Variants in ZMYM4 observed in about 807,000 individuals in gnomAD.
ZMYM4 encodes zinc finger MYM-type protein 4.
In ZMYM4, 31 loss-of-function variants were observed where a neutral mutation model predicts 183.2. That is an observed-to-expected ratio of 0.17 (90% CI 0.13 to 0.23). The LOEUF (loss-of-function observed/expected upper bound fraction) is 0.23. Ranked by LOEUF, ZMYM4 falls within the 10% of genes least tolerant of loss-of-function variation. The probability of loss-of-function intolerance (pLI) is 1.00; values close to 1 mark genes in which losing one functional copy is unlikely to be tolerated. For missense variants in ZMYM4, 1,273 were observed against 1,840.3 expected (o/e 0.69, Z 5.64); for synonymous variants, 592 against 631.2 (o/e 0.94, Z 0.93).
At chr1:35,347,709 A>G (rs1189944967) in intron 2 of ZMYM4, among the ~76,000 whole-genome samples, 6 of 152,202 alleles carry the variant, frequency 3.9e-5, no homozygotes, top group Non-Finnish European at 8.8e-5. Context: ...ATTAGAAGGA[A>G]GAATAGTAGG....
intron 1 of ZMYM4, among the ~76,000 whole-genome samples, chr1:35,269,327 C>G (rs977037649): frequency 2.6e-5 from 4 of 152,058 alleles, no homozygotes; most frequent in Non-Finnish European, 5.9e-5. Context: ...CTCCCCCCGA[C>G]GTTCCCCAGC....
chr1:35,377,076 T>C (rs1452203923), intron 7 of ZMYM4, among the ~76,000 whole-genome samples: 12 of 151,950 alleles, frequency 7.9e-5, no homozygotes. Context: ...CCGGCTAATT[T>C]TTGTATTTAT....
chr1:35,295,539 C>G (rs1015916028), intron 1 of ZMYM4, among the ~76,000 whole-genome samples: 3 of 152,124 alleles, frequency 2.0e-5, no homozygotes, highest in Admixed American at 6.6e-5. Context: ...GTTTCAGCAT[C>G]CCTGGTTTCT....
intron 23 of ZMYM4, among the ~76,000 whole-genome samples, chr1:35,401,758 G>T (rs1347230049): frequency 6.6e-6 from 1 of 152,054 alleles, no homozygotes; most frequent in Non-Finnish European, 1.5e-5. Context: ...TTATGTTTGT[G>T]ATCTATTTTG....
At chr1:35,380,338 A>G (rs578244059) in intron 7 of ZMYM4, among the ~76,000 whole-genome samples, 1 of 151,062 alleles carries the variant, frequency 6.6e-6, no homozygotes, top group Admixed American at 6.6e-5. Flanking sequence ...TTATTTATTT[A>G]TTTTTTTGAG....
chr1:35,332,613 G>C (rs1239875256), intron 2 of ZMYM4, among the ~76,000 whole-genome samples: 3 of 152,114 alleles, frequency 2.0e-5, no homozygotes, highest in Non-Finnish European at 4.4e-5. Context: ...TAGTGTGGCA[G>C]CCTTAAGGTC....
chr1:35,278,628 T>C (rs1206542965), intron 1 of ZMYM4, among the ~76,000 whole-genome samples: 2 of 152,106 alleles, frequency 1.3e-5, no homozygotes, highest in African/African-American at 4.8e-5. Context: ...GGTTTCACTA[T>C]GTTAGGATGG....
chr1:35,407,779 G>A lies in ZMYM4; in HGVS notation c.3797-229G>A, dbSNP rs148523392. ...TGGATAGCCCTCATTTGCTTTCACA[G>A]AATGCCATTTAAAGAAAGCCTCTAT... On this transcript the variant is annotated intron_variant, in intron 25 of 29. Coordinates refer to ENST00000314607, the MANE Select transcript of ZMYM4 (RefSeq NM_005095.3). 2.4e-3 allele frequency among the ~76,000 whole-genome samples: 366 copies of A among 152,242 alleles called. 2 individuals are homozygous for A. The highest frequency in any genetic ancestry group is 7.8e-3 in the African/African-American group (325 of 41,544).
At chr1:35,361,162 GTGTT>G (rs754098892) in intron 3 of ZMYM4, 28 bp from the exon 4 acceptor site, 7 of 1,539,858 alleles carry the variant, frequency 4.5e-6, no homozygotes, top group East Asian at 2.3e-5. Context: ...TCATATACAT[GTGTT>G]TGTTTGTTTT....
At chr1:35,416,006 G>C (rs1640100276) in intron 28 of ZMYM4, among the ~76,000 whole-genome samples, 1 of 152,120 alleles carries the variant, frequency 6.6e-6, no homozygotes, top group South Asian at 2.1e-4. Context: ...ATACAAACAG[G>C]GTTGAGAATC....
intron 28 of ZMYM4, 68 bp from the exon 29 acceptor site, chr1:35,418,375 T>G: frequency 6.5e-7 from 1 of 1,544,850 alleles, no homozygotes; most frequent in East Asian, 2.3e-5. Context: ...CAAAGCTCAT[T>G]GGTGTCTTGA....
chr1:35,353,734 TG>T (rs1643714191), intron 2 of ZMYM4, among the ~76,000 whole-genome samples: 1 of 152,260 alleles, frequency 6.6e-6, no homozygotes, highest in African/African-American at 2.4e-5. Flanking sequence ...AGAAGAATTC[TG>T]ATTCAGTTAA....
chr1:35,362,474 G>T (rs1335356546), intron 5 of ZMYM4, among the ~76,000 whole-genome samples: 1 of 152,198 alleles, frequency 6.6e-6, no homozygotes, highest in Non-Finnish European at 1.5e-5. Flanking sequence ...TATATCAGAT[G>T]CTGCAATCAT....
chr1:35,333,781 A>T (rs1256074875), intron 2 of ZMYM4, among the ~76,000 whole-genome samples: 1 of 152,112 alleles, frequency 6.6e-6, no homozygotes, highest in African/African-American at 2.4e-5. Flanking sequence ...GATCATATAC[A>T]TACTTTTCTC....
chr1:35,281,674 A>G (rs1317104357), intron 1 of ZMYM4, among the ~76,000 whole-genome samples: 3 of 151,012 alleles, frequency 2.0e-5, no homozygotes, highest in African/African-American at 7.3e-5. Flanking sequence ...ATATATATAT[A>G]TATATAATAT....
At chr1:35,352,386 G>GCGCGCACACA (rs1231646476) in intron 2 of ZMYM4, among the ~76,000 whole-genome samples, 1,410 of 128,464 alleles carry the variant, frequency 0.011, 43 homozygotes, top group East Asian at 0.067. Context: ...AAAAATTAGC[G>GCGCGCACACA]CACACACACA....
chr1:35,300,012 G>T (rs1641205674), intron 1 of ZMYM4, among the ~76,000 whole-genome samples: 1 of 152,044 alleles, frequency 6.6e-6, no homozygotes, highest in African/African-American at 2.4e-5. Flanking sequence ...CGCCAGGATG[G>T]TCTCGATCTC....
intron 1 of ZMYM4, among the ~76,000 whole-genome samples, chr1:35,323,296 C>A (rs1304550227): frequency 6.6e-6 from 1 of 152,116 alleles, no homozygotes; most frequent in African/African-American, 2.4e-5. Context: ...GCCACTGCAC[C>A]CGGCTGGACA....
intron 2 of ZMYM4, among the ~76,000 whole-genome samples, chr1:35,327,527 G>T (rs983928535): frequency 6.6e-6 from 1 of 152,096 alleles, no homozygotes; most frequent in African/African-American, 2.4e-5. Flanking sequence ...TAATATTTTA[G>T]AATGATAATA....
Sources: gnomAD v4.1 joint callset for allele counts (sites outside exome capture counted in the v4.1 genomes callset) on GRCh38, gnomAD v4.1.1 for gene constraint, MANE v1.5 for transcripts, NCBI Gene and HGNC (gene_info 2026-07-23, HGNC 2026-07-21) for gene names.